SGK3: variants seen among roughly 807,000 people sequenced by gnomAD.
SGK3 encodes serum/glucocorticoid regulated kinase family member 3.
In SGK3, 47 loss-of-function variants were observed where a neutral mutation model predicts 68.5. That is an observed-to-expected ratio of 0.69 (90% CI 0.54 to 0.87). The LOEUF is 0.87. Ranked by LOEUF, SGK3 falls within the 40% of genes least tolerant of loss-of-function variation. The probability of loss-of-function intolerance (pLI) is 0.00; values close to 1 mark genes in which losing one functional copy is unlikely to be tolerated. For synonymous variants in SGK3, 181 were observed against 189.1 expected, an observed-to-expected ratio of 0.96 and a Z score of 0.35; for missense variants, 479 against 575.5, an observed-to-expected ratio of 0.83 and a Z score of 1.72.
At chr8:66,780,389 T>G (rs535916016) in intron 1 of SGK3, among the ~76,000 whole-genome samples, 1 of 152,306 alleles carries the variant, frequency 6.6e-6, no homozygotes, top group Admixed American at 6.5e-5. Context: ...TCAGGGAGGC[T>G]CTCAATAAGC....
chr8:66,747,457 G>A (rs1805685808), intron 1 of SGK3, among the ~76,000 whole-genome samples: 1 of 152,138 alleles, frequency 6.6e-6, no homozygotes, highest in African/African-American at 2.4e-5. Context: ...AAAGTCCAGG[G>A]CTAGACTTGC....
chr8:66,839,381 TA>T (rs1282009877), intron 10 of SGK3, among the ~76,000 whole-genome samples: 56 of 141,772 alleles, frequency 4.0e-4, no homozygotes, highest in Non-Finnish European at 5.1e-4. Context: ...CTTATCTTTT[TA>T]AAAAAAAAAA....
At position 66,852,587 on chromosome 8, in the gene SGK3, T is replaced by G. The variant is rs185054090; in HGVS notation, c.1320+1667T>G. Among the ~76,000 whole-genome samples the G allele has an allele frequency of 2.3e-3, 345 of 152,310 alleles. 1 individual carries two copies. The highest frequency in any genetic ancestry group is 7.9e-3 in the African/African-American group (328 of 41,576). On this transcript the variant is annotated intron_variant, in intron 16 of 16. Transcript: ENST00000521198. ...AGCTACTGTGCCCGGCCAGGAATAC[T>G]TTTTTAATAAATTAGAGCAGATAAG...
At position 66,839,991 on chromosome 8, in the gene SGK3, C is replaced by T; in HGVS notation, c.742-12C>T. On this transcript the variant is annotated splice_polypyrimidine_tract_variant and intron_variant, in intron 10 of 16. Transcript: ENST00000521198. The stretch of plus-strand genomic sequence containing the variant: ...ATTCTCTCTCCCCCCACCCCCACAA[C>T]CAATTTGACAGCTTTTTTTCCACTT... 6.2e-7 allele frequency: 1 copy of T among 1,612,340 alleles called. No individual in the cohort carries two copies. Among genetic ancestry groups the T allele is most frequent in the Non-Finnish European group, 8.5e-7 (1 of 1,179,286 alleles).
At chr8:66,827,251 G>T (rs913037680) in intron 6 of SGK3, among the ~76,000 whole-genome samples, 3 of 151,558 alleles carry the variant, frequency 2.0e-5, no homozygotes, top group Non-Finnish European at 2.9e-5. Flanking sequence ...GCATGGTGGC[G>T]TATGCCTGTA....
At chr8:66,742,770 A>G (rs1208001561) in intron 1 of SGK3, among the ~76,000 whole-genome samples, 1 of 152,192 alleles carries the variant, frequency 6.6e-6, no homozygotes, top group East Asian at 1.9e-4. Flanking sequence ...CCACTGCCCC[A>G]CATTTTTTGT....
intron 1 of SGK3, among the ~76,000 whole-genome samples, chr8:66,728,638 T>C (rs1176491760): frequency 6.6e-6 from 1 of 152,100 alleles, no homozygotes; most frequent in Non-Finnish European, 1.5e-5. Context: ...TTTCTTTATA[T>C]TGGTGAAAAA....
At chr8:66,802,458 G>A (rs560078540) in intron 3 of SGK3, among the ~76,000 whole-genome samples, 1 of 152,200 alleles carries the variant, frequency 6.6e-6, no homozygotes, top group East Asian at 1.9e-4. Flanking sequence ...CAAGACTGAG[G>A]CAGGAGGATT....
At chr8:66,795,466 G>A (rs1807642480) in intron 2 of SGK3, among the ~76,000 whole-genome samples, 1 of 152,348 alleles carries the variant, frequency 6.6e-6, no homozygotes, top group East Asian at 1.9e-4. Context: ...AAATGGTAGA[G>A]TGTGTGAAAG....
In SGK3 at chr8:66,826,912, T is replaced by A. The variant is rs186864592; in HGVS notation, c.418-1742T>A. The stretch of plus-strand genomic sequence containing the variant: ...CACTCGCCTTGGCCTCCCAAAGTGC[T>A]GGGATTACAGCCGTGAGCCACCACT... On this transcript the variant is annotated intron_variant, in intron 6 of 16. Coordinates refer to ENST00000521198, the MANE Select transcript of SGK3 (RefSeq NM_001033578.3). Among the ~76,000 whole-genome samples the A allele has an allele frequency of 4.4e-3, 675 of 152,234 alleles. 16 individuals are homozygous for A. Among genetic ancestry groups the A allele is most frequent in the Admixed American group, 0.04 (605 of 15,294 alleles).
intron 3 of SGK3, among the ~76,000 whole-genome samples, chr8:66,799,620 AT>A (rs1807848566): frequency 6.6e-6 from 1 of 152,012 alleles, no homozygotes; most frequent in East Asian, 1.9e-4. Flanking sequence ...TCCCCAATGT[AT>A]TTATTTATTT....
At chr8:66,815,229 A>C (rs951095920) in intron 5 of SGK3, among the ~76,000 whole-genome samples, 6 of 152,188 alleles carry the variant, frequency 3.9e-5, no homozygotes, top group Non-Finnish European at 5.9e-5. Flanking sequence ...AAATGCTAAA[A>C]CTGGATCTCC....
chr8:66,828,572 G>C, intron 6 of SGK3, 82 bp from the exon 7 acceptor site: 2 of 1,592,346 alleles, frequency 1.3e-6, no homozygotes, highest in Non-Finnish European at 1.7e-6. Flanking sequence ...TTGTGGTACA[G>C]TTATAAATAC....
chr8:66,723,123 A>T lies in SGK3; in HGVS notation c.-122+10290A>T, dbSNP rs1203721892. Among the ~76,000 whole-genome samples, 217 of 51,414 alleles carry T rather than the reference A, an allele frequency of 4.2e-3. 15 individuals carry two copies. Among genetic ancestry groups the T allele is most frequent in the African/African-American group, 0.019 (207 of 10,716 alleles). The allele number at this position is 51,414 out of a possible 152,430, so 33.7% of individuals were successfully genotyped here. A position where few individuals can be genotyped will look rare whatever the true frequency, so the allele number is the denominator to read the frequency against. On this transcript the variant is annotated intron_variant, in intron 1 of 16. Coordinates refer to ENST00000521198, the MANE Select transcript of SGK3 (RefSeq NM_001033578.3). ...TATATATATATATATATATATATAT[A>T]TATATATATTTTTTTTTTTTTTTTT...
chr8:66,767,937 C>T (rs1305530344), intron 1 of SGK3: 1 of 1,004,718 alleles, frequency 1.0e-6, no homozygotes, highest in Non-Finnish European at 1.6e-6. Context: ...CCAGCTTCAG[C>T]CCATCCTTTG....
At chr8:66,743,733 G>A (rs1335766386) in intron 1 of SGK3, among the ~76,000 whole-genome samples, 3 of 152,238 alleles carry the variant, frequency 2.0e-5, no homozygotes, top group Non-Finnish European at 4.4e-5. Flanking sequence ...TATTGGCCAG[G>A]CTGGTCTCGA....
intron 16 of SGK3, among the ~76,000 whole-genome samples, chr8:66,859,005 A>G (rs2130767020): frequency 6.6e-6 from 1 of 152,292 alleles, no homozygotes; most frequent in African/African-American, 2.4e-5. Flanking sequence ...CTTGCCAGGA[A>G]TAAACACACA....
At chr8:66,716,928 G>A (rs1345015911) in intron 1 of SGK3, among the ~76,000 whole-genome samples, 1 of 152,094 alleles carries the variant, frequency 6.6e-6, no homozygotes, top group Non-Finnish European at 1.5e-5. Flanking sequence ...AGGCACGGTG[G>A]CTCACACGAG....
chr8:66,777,709 C>G (rs925380384), intron 1 of SGK3, among the ~76,000 whole-genome samples: 1 of 152,150 alleles, frequency 6.6e-6, no homozygotes, highest in Non-Finnish European at 1.5e-5. Flanking sequence ...ACATCCTTAC[C>G]TGCAGAATGA....
Sources: gnomAD v4.1 joint callset for allele counts (sites outside exome capture counted in the v4.1 genomes callset) on GRCh38, gnomAD v4.1.1 for gene constraint, MANE v1.5 for transcripts, NCBI Gene and HGNC (gene_info 2026-07-23, HGNC 2026-07-21) for gene names.